SHISA9: variants seen among roughly 807,000 people sequenced by gnomAD.
SHISA9 encodes protein shisa-9.
A neutral mutation model predicts 38.0 loss-of-function variants in SHISA9; 13 were observed. The observed-to-expected ratio is 0.34, with a 90% CI of 0.22 to 0.54. The LOEUF (loss-of-function observed/expected upper bound fraction) is 0.54. SHISA9 is among the 20% of genes least tolerant of loss of function. The pLI, the probability that SHISA9 is intolerant of heterozygous loss-of-function variation, is 0.91. For missense variants in SHISA9, 538 were observed against 575.8 expected, an observed-to-expected ratio of 0.93 and a Z score of 0.67; for synonymous variants, 275 against 242.0, an observed-to-expected ratio of 1.14 and a Z score of -1.27.
Position 13,048,950 on chromosome 16 carries a change from A to C in SHISA9, c.691+132135A>C, listed in dbSNP as rs1335963913. On this transcript the variant is annotated intron_variant, in intron 2 of 4. Transcript: ENST00000558583. ...CATTTACTATTTTAATTCTCCTATT[A>C]CTTATTGACTGAGTCTGCCATTCAA... Among the ~76,000 whole-genome samples the C allele has an allele frequency of 2.6e-5, 4 of 152,236 alleles. No individual in the cohort carries two copies. In the South Asian group the frequency reaches 6.2e-4, roughly 24 times the overall value.
the SHISA9 span, among the ~76,000 whole-genome samples, chr16:13,319,306 G>A: frequency 6.6e-6 from 1 of 152,112 alleles, no homozygotes; most frequent in Non-Finnish European, 1.5e-5. Flanking sequence ...CACCACACCT[G>A]GCCAACCACA....
At chr16:13,080,571 G>C (rs2073637296) in intron 2 of SHISA9, among the ~76,000 whole-genome samples, 1 of 152,170 alleles carries the variant, frequency 6.6e-6, no homozygotes, top group Non-Finnish European at 1.5e-5. Flanking sequence ...CATTGGAGGA[G>C]AGCAAATTTC....
chr16:13,458,376 TG>T, the SHISA9 span: 1 of 374,234 alleles, frequency 2.7e-6, no homozygotes, highest in Non-Finnish European at 5.2e-6. Flanking sequence ...TATCAGCAAA[TG>T]GAAGCAAACT....
intron 1 of SHISA9, chr16:12,902,946 G>C: frequency 3.3e-6 from 1 of 307,562 alleles, no homozygotes; most frequent in Non-Finnish European, 5.9e-6. Flanking sequence ...CTGGGAGCCC[G>C]TGGCCCCGAA....
chr16:13,301,466 A>T, the SHISA9 span, among the ~76,000 whole-genome samples: 1 of 152,198 alleles, frequency 6.6e-6, no homozygotes, highest in African/African-American at 2.4e-5. Flanking sequence ...ATGTACTGTC[A>T]CCCAAAGTGT....
intron 4 of SHISA9, among the ~76,000 whole-genome samples, chr16:13,218,076 G>C (rs1596741553): frequency 6.6e-6 from 1 of 152,130 alleles, no homozygotes; most frequent in Non-Finnish European, 1.5e-5. Flanking sequence ...AGGAAAAAAA[G>C]AAGGAAGGAA....
the SHISA9 span, among the ~76,000 whole-genome samples, chr16:13,499,764 A>G: frequency 6.6e-6 from 1 of 152,186 alleles, no homozygotes; most frequent in Non-Finnish European, 1.5e-5. Flanking sequence ...CAAACCCACG[A>G]AAGGTTTATT....
the SHISA9 span, among the ~76,000 whole-genome samples, chr16:13,478,087 C>G: frequency 6.6e-6 from 1 of 152,228 alleles, no homozygotes; most frequent in Non-Finnish European, 1.5e-5. Flanking sequence ...GCATTTTCCT[C>G]TGAAATCCTT....
At chr16:13,274,064 AAAGT>A in the SHISA9 span, among the ~76,000 whole-genome samples, 3 of 152,206 alleles carry the variant, frequency 2.0e-5, no homozygotes, top group Non-Finnish European at 4.4e-5. Flanking sequence ...CACTTAGTCA[AAAGT>A]AAGATATTTG....
At chr16:13,042,677 G>A (rs1254313805) in intron 2 of SHISA9, among the ~76,000 whole-genome samples, 1 of 152,178 alleles carries the variant, frequency 6.6e-6, no homozygotes, top group East Asian at 1.9e-4. Context: ...ATAAGAGTCT[G>A]AGGGAAATGA....
chr16:13,210,106 A>T (rs1258736577), intron 3 of SHISA9, among the ~76,000 whole-genome samples: 1 of 152,188 alleles, frequency 6.6e-6, no homozygotes, highest in Non-Finnish European at 1.5e-5. Flanking sequence ...GTCTCAAAAA[A>T]AAGAAAATGT....
intron 2 of SHISA9, among the ~76,000 whole-genome samples, chr16:12,958,026 G>A (rs1298187426): frequency 6.6e-6 from 1 of 152,204 alleles, no homozygotes; most frequent in Non-Finnish European, 1.5e-5. Flanking sequence ...TATGAATTTG[G>A]TGGTGCACAT....
the SHISA9 span, among the ~76,000 whole-genome samples, chr16:13,359,360 G>GGGAT: frequency 1.3e-5 from 2 of 152,122 alleles, no homozygotes; most frequent in Non-Finnish European, 1.5e-5. Context: ...GTGGGCACCT[G>GGGAT]TAATCCCAGG....
chr16:13,156,776 C>G (rs2050551705), intron 2 of SHISA9, among the ~76,000 whole-genome samples: 1 of 151,588 alleles, frequency 6.6e-6, no homozygotes, highest in Non-Finnish European at 1.5e-5. Flanking sequence ...CACAACTGTG[C>G]AGACCAATAG....
chr16:13,514,534 C>G, the SHISA9 span, among the ~76,000 whole-genome samples: 3 of 152,008 alleles, frequency 2.0e-5, no homozygotes, highest in Admixed American at 2.0e-4. Context: ...TATAAAAGAC[C>G]TAACCTGAAC....
chr16:13,123,182 G>A (rs146795048), intron 2 of SHISA9, among the ~76,000 whole-genome samples: 7 of 152,252 alleles, frequency 4.6e-5, no homozygotes, highest in African/African-American at 1.4e-4. Context: ...TCCTGAGGAT[G>A]TATGGGAGAC....
At chr16:12,923,154 GA>G (rs1248601625) in intron 2 of SHISA9, among the ~76,000 whole-genome samples, 2 of 152,186 alleles carry the variant, frequency 1.3e-5, no homozygotes, top group African/African-American at 4.8e-5. Context: ...TTTGATGAAT[GA>G]GAAAATTGAG....
chr16:13,019,968 T>G (rs112564373), intron 2 of SHISA9, among the ~76,000 whole-genome samples: 34 of 43,230 alleles, frequency 7.9e-4, no homozygotes, highest in South Asian at 1.6e-3. Flanking sequence ...TCCCTCCTTC[T>G]TTCCTTCCTT....
the SHISA9 span, among the ~76,000 whole-genome samples, chr16:13,507,092 G>A: frequency 6.6e-6 from 1 of 151,652 alleles, no homozygotes; most frequent in Non-Finnish European, 1.5e-5. Flanking sequence ...TATAAAATCT[G>A]GTTTGATGAC....
Sources: gnomAD v4.1 joint callset for allele counts (sites outside exome capture counted in the v4.1 genomes callset) on GRCh38, gnomAD v4.1.1 for gene constraint, MANE v1.5 for transcripts, NCBI Gene and HGNC (gene_info 2026-07-23, HGNC 2026-07-21) for gene names.